The following DIP2B variants were observed in gnomAD, a reference collection of about 807,000 sequenced individuals.
DIP2B encodes the protein disco-interacting protein 2 homolog B.
Under a neutral mutation model 198.0 loss-of-function variants are expected in DIP2B, and 76 were observed. The ratio of observed to expected loss-of-function variants is 0.38; its 90% CI spans 0.32 to 0.46. The LOEUF (loss-of-function observed/expected upper bound fraction) is 0.46. Ranked by LOEUF, DIP2B falls within the 20% of genes least tolerant of loss-of-function variation. The pLI, the probability that DIP2B is intolerant of heterozygous loss-of-function variation, is 0.99. For missense variants in DIP2B, 1,559 were observed against 1,978.4 expected (o/e 0.79, Z 4.02); for synonymous variants, 701 against 739.1 (o/e 0.95, Z 0.84).
chr12:50,515,591 T>G (rs1352999284), intron 1 of DIP2B, among the ~76,000 whole-genome samples: 1 of 152,222 alleles, frequency 6.6e-6, no homozygotes, highest in African/African-American at 2.4e-5. Flanking sequence ...CATAGTTTCC[T>G]TCTGGCTTCC....
At chr12:50,679,814 A>C (rs1939007271) in intron 8 of DIP2B, 1 of 152,132 alleles carries the variant, frequency 6.6e-6, no homozygotes, top group African/African-American at 2.4e-5. Flanking sequence ...TTTCCATTTT[A>C]ATGTTTGTTT....
intron 37 of DIP2B, 89 bp downstream of exon 37, chr12:50,741,628 C>A (rs1940245944): frequency 6.8e-7 from 1 of 1,478,738 alleles, no homozygotes; most frequent in South Asian, 1.3e-5. Context: ...GGACCACATA[C>A]CTACCTTGAA....
At chr12:50,599,703 A>G (rs761380374) in intron 1 of DIP2B, among the ~76,000 whole-genome samples, 1 of 152,204 alleles carries the variant, frequency 6.6e-6, no homozygotes, top group Non-Finnish European at 1.5e-5. Flanking sequence ...TTATTTCTTC[A>G]TTTTAACCAG....
At chr12:50,542,248 C>CAAAAAAAAAAAAAAAAA (rs35430997) in intron 1 of DIP2B, among the ~76,000 whole-genome samples, 1 of 51,270 alleles carries the variant, frequency 2.0e-5, no homozygotes, top group Non-Finnish European at 4.2e-5. Flanking sequence ...GACTCCGTCT[C>CAAAAAAAAAAAAAAAAA]AAAAAAAAAA....
At chr12:50,636,256 A>G (rs1593675228) in intron 2 of DIP2B, among the ~76,000 whole-genome samples, 2 of 152,336 alleles carry the variant, frequency 1.3e-5, no homozygotes, top group South Asian at 2.1e-4. Context: ...ATGTATGCAT[A>G]GGGTTTGAGG....
intron 1 of DIP2B, among the ~76,000 whole-genome samples, chr12:50,534,710 G>T (rs1322879496): frequency 6.6e-6 from 1 of 152,152 alleles, no homozygotes; most frequent in Non-Finnish European, 1.5e-5. Context: ...CTGAGATTAG[G>T]AGAATGTCAG....
intron 1 of DIP2B, among the ~76,000 whole-genome samples, chr12:50,557,988 CA>C (rs1958485575): frequency 6.6e-6 from 1 of 151,864 alleles, no homozygotes; most frequent in Non-Finnish European, 1.5e-5. Flanking sequence ...CTATAAAAAA[CA>C]AAAAATAAGG....
At position 50,745,592 on chromosome 12, in the gene DIP2B, G is replaced by A. The variant is rs2139614485; in HGVS notation, c.*753G>A. On this transcript the variant is annotated 3_prime_UTR_variant, in exon 38 of 38. Transcript: ENST00000301180. Reference sequence around the variant, plus strand: ...TTGTTCTATGTCTTTGTTGGCTGGTGTATTTTATAAACTAAAGCTGCCTAT... The same window carrying A: ...TTGTTCTATGTCTTTGTTGGCTGGTATATTTTATAAACTAAAGCTGCCTAT... 6.6e-6 allele frequency: 1 copy of A among 152,640 alleles called. No individual in the cohort carries two copies. Among genetic ancestry groups the A allele is most frequent in the East Asian group, 1.9e-4 (1 of 5,188 alleles). The allele number at this position is 152,640 out of a possible 1,614,324, so 9.5% of individuals were successfully genotyped here.
intron 1 of DIP2B, among the ~76,000 whole-genome samples, chr12:50,528,402 A>G (rs1593581949): frequency 6.6e-6 from 1 of 150,796 alleles, no homozygotes; most frequent in African/African-American, 2.4e-5. Context: ...GGAGTTCAAG[A>G]CCAGCCTGGG....
chr12:50,696,030 C>A (rs977615408), intron 16 of DIP2B, 63 bp downstream of exon 16: 2 of 1,605,834 alleles, frequency 1.2e-6, no homozygotes, highest in African/African-American at 2.7e-5. Flanking sequence ...GGGTTTTTCG[C>A]CCTGTACTAA....
intron 1 of DIP2B, among the ~76,000 whole-genome samples, chr12:50,527,660 T>A (rs79390537): frequency 6.6e-6 from 1 of 152,182 alleles, no homozygotes; most frequent in African/African-American, 2.4e-5. Flanking sequence ...CAGTGAACTA[T>A]GATCGTGCCA....
At chr12:50,732,805 T>C (rs1940067836) in intron 32 of DIP2B, among the ~76,000 whole-genome samples, 1 of 152,204 alleles carries the variant, frequency 6.6e-6, no homozygotes, top group Admixed American at 6.5e-5. Context: ...GTGAGCGCAG[T>C]GTTGGTGTTT....
chr12:50,591,533 G>C (rs1196398942), intron 1 of DIP2B, among the ~76,000 whole-genome samples: 3 of 151,866 alleles, frequency 2.0e-5, no homozygotes, highest in African/African-American at 7.3e-5. Context: ...TGCCTCCTGG[G>C]CTCAGGTGAT....
At chr12:50,639,333 G>C (rs1482127809) in intron 2 of DIP2B, among the ~76,000 whole-genome samples, 1 of 152,098 alleles carries the variant, frequency 6.6e-6, no homozygotes, top group Non-Finnish European at 1.5e-5. Flanking sequence ...TAGTAGATGG[G>C]CTGCTCTGGA....
At chr12:50,645,752 G>A (rs1251855910) in intron 3 of DIP2B, among the ~76,000 whole-genome samples, 1 of 152,044 alleles carries the variant, frequency 6.6e-6, no homozygotes, top group Non-Finnish European at 1.5e-5. Context: ...GAACCATTGT[G>A]TCCAGCCCAA....
intron 1 of DIP2B, among the ~76,000 whole-genome samples, chr12:50,587,066 G>A (rs138438096): frequency 2.8e-4 from 43 of 152,268 alleles, no homozygotes; most frequent in Middle Eastern, 6.8e-3. Flanking sequence ...ATGGGTGAGT[G>A]TATTATAAAA....
intron 21 of DIP2B, 138 bp downstream of exon 21, chr12:50,706,803 C>CTT (rs200344620): frequency 1.7e-5 from 14 of 840,518 alleles, no homozygotes; most frequent in African/African-American, 3.6e-5. Flanking sequence ...ATAAGCCTGG[C>CTT]TTTTTTTTTT....
chr12:50,748,222 G>A lies in DIP2B; in HGVS notation c.*3383G>A, dbSNP rs542194166. On this transcript the variant is annotated 3_prime_UTR_variant, in exon 38 of 38. Transcript: ENST00000301180. ...ATCTTTTAGTCTAAAGCAATGAGGA[G>A]TTATCACCTCATCCTCAAACTCCAA... The A allele has an allele frequency of 6.6e-6, 1 of 152,642 alleles. No homozygotes were observed. The highest frequency in any genetic ancestry group is 2.4e-5 in the African/African-American group (1 of 41,448). The allele number at this position is 152,642 out of a possible 1,614,324, so 9.5% of individuals were successfully genotyped here. A position where few individuals can be genotyped will look rare whatever the true frequency, so the allele number is the denominator to read the frequency against.
In DIP2B at chr12:50,723,250, T is replaced by C; in HGVS notation, c.3215T>C (p.Ile1072Thr). 1 of 1,614,178 alleles carries C rather than the reference T, an allele frequency of 6.2e-7. No individual in the cohort carries two copies. The highest frequency in any genetic ancestry group is 8.5e-7 in the Non-Finnish European group (1 of 1,180,036). The part of the protein sequence containing the change: ...AFYGCLYAGC[I>T]PVTVRPPHAQ... Reference sequence around the variant, plus strand: ...TATGGCTGCCTGTATGCGGGCTGTATACCTGTGACCGTCAGACCTCCACAT... The same window carrying C: ...TATGGCTGCCTGTATGCGGGCTGTACACCTGTGACCGTCAGACCTCCACAT... The change falls in exon 27 of 38, where the codon ATA becomes ACA. Residue 1072 changes from isoleucine (I) to threonine (T), a missense_variant. Ile to Thr is a moderately conservative substitution (Grantham distance 89). Transcript: ENST00000301180.
Sources: gnomAD v4.1 joint callset for allele counts (sites outside exome capture counted in the v4.1 genomes callset) on GRCh38, gnomAD v4.1.1 for gene constraint, MANE v1.5 for transcripts, NCBI Gene and HGNC (gene_info 2026-07-23, HGNC 2026-07-21) for gene names.